PDK1: variants seen among roughly 807,000 people sequenced by gnomAD.
The protein encoded by PDK1 is pyruvate dehydrogenase kinase 1.
Under a neutral mutation model 54.2 loss-of-function variants are expected in PDK1, and 39 were observed. That is an observed-to-expected ratio of 0.72 (90% CI 0.56 to 0.94). PDK1 has a LOEUF of 0.94. PDK1 is among the 40% of genes least tolerant of loss of function. The pLI is 0.00. For missense variants in PDK1, 552 were observed against 566.0 expected (o/e 0.98, Z 0.25); for synonymous variants, 221 against 207.1 (o/e 1.07, Z -0.58).
In PDK1 at chr2:172,605,483, C is replaced by A. The variant is rs932099680; in HGVS notation, c.*9514C>A. 6.9e-6 allele frequency: 1 copy of A among 144,016 alleles called. No individual in the cohort carries two copies. The highest frequency in any genetic ancestry group is 2.6e-5 in the African/African-American group (1 of 38,854). The allele number at this position is 144,016 out of a possible 1,614,324, so 8.9% of individuals were successfully genotyped here. On this transcript the variant is annotated 3_prime_UTR_variant, in exon 11 of 11. Transcript: ENST00000282077. Reference sequence around the variant, plus strand: ...GTCTGCTTCCTGGGTTCAAGTGATTCTCCTGCCTCAGCCTCCAAGTAGCTG... The same window carrying A: ...GTCTGCTTCCTGGGTTCAAGTGATTATCCTGCCTCAGCCTCCAAGTAGCTG...
the PDK1 span, among the ~76,000 whole-genome samples, chr2:172,645,700 A>T: frequency 6.6e-6 from 1 of 152,192 alleles, no homozygotes; most frequent in East Asian, 1.9e-4. Context: ...GGACAGGACA[A>T]GTAATGTGTT....
rs1319555047 is a variant in PDK1 at position 172,585,178 on chromosome 2, T to C, written c.946-1100T>C. ...TGCCCAGCTAATTTTAGAAAATTTT[T>C]TGTAGCGATGGGGTCTTACTCTGTT... On this transcript the variant is annotated intron_variant, in intron 8 of 10. Transcript: ENST00000282077. 4.0e-5 allele frequency among the ~76,000 whole-genome samples: 6 copies of C among 151,620 alleles called. No homozygotes were observed. In the East Asian group the frequency reaches 7.8e-4, roughly 20 times the overall value.
chr2:172,658,853 T>A, the PDK1 span, among the ~76,000 whole-genome samples: 1 of 152,300 alleles, frequency 6.6e-6, no homozygotes, highest in East Asian at 1.9e-4. Flanking sequence ...TCAAACCCTG[T>A]TTTCTGTTGT....
At chr2:172,664,565 T>C in the PDK1 span, among the ~76,000 whole-genome samples, 2 of 152,114 alleles carry the variant, frequency 1.3e-5, no homozygotes, top group South Asian at 4.1e-4. Context: ...GACATAGGTC[T>C]TTTCCCACTC....
At position 172,564,964 on chromosome 2, in the gene PDK1, T is replaced by C; in HGVS notation, c.596-14T>C. On this transcript the variant is annotated splice_polypyrimidine_tract_variant and intron_variant, in intron 4 of 10. Transcript: ENST00000282077. ...GTTTAGCTTATTTTGTTGGTTTTTTTCCTTTTTGGATAGCTTTATTGTTTG... is the reference window on the plus strand; with the variant it reads ...GTTTAGCTTATTTTGTTGGTTTTTTCCCTTTTTGGATAGCTTTATTGTTTG... 6.3e-7 allele frequency: 1 copy of C among 1,587,892 alleles called. No individual in the cohort carries two copies.
At chr2:172,569,647 G>A (rs1175678638) in intron 7 of PDK1, among the ~76,000 whole-genome samples, 4 of 152,182 alleles carry the variant, frequency 2.6e-5, no homozygotes, top group Non-Finnish European at 1.5e-5. Context: ...TAGAACAGCA[G>A]CAGAATGTTC....
chr2:172,717,142 C>A, the PDK1 span, among the ~76,000 whole-genome samples: 2 of 152,168 alleles, frequency 1.3e-5, no homozygotes, highest in East Asian at 3.8e-4. Context: ...ATCTCACATC[C>A]AAGACTACAT....
At chr2:172,595,329 C>T (rs1179099524) in intron 10 of PDK1, among the ~76,000 whole-genome samples, 1 of 152,080 alleles carries the variant, frequency 6.6e-6, no homozygotes, top group African/African-American at 2.4e-5. Flanking sequence ...GTAAGCCTCC[C>T]AAAGCACTGG....
At chr2:172,692,162 T>C in the PDK1 span, among the ~76,000 whole-genome samples, 1 of 152,174 alleles carries the variant, frequency 6.6e-6, no homozygotes, top group Admixed American at 6.5e-5. Flanking sequence ...CAGGGATAAG[T>C]ACACAGATTT....
At chr2:172,670,910 A>G in the PDK1 span, among the ~76,000 whole-genome samples, 4 of 152,140 alleles carry the variant, frequency 2.6e-5, no homozygotes, top group African/African-American at 7.2e-5. Flanking sequence ...CTGTCATCCA[A>G]TTGGATGAAC....
chr2:172,687,778 C>T, the PDK1 span, among the ~76,000 whole-genome samples: 13 of 152,326 alleles, frequency 8.5e-5, no homozygotes, highest in African/African-American at 3.1e-4. Flanking sequence ...ATATTCCTCT[C>T]TGCCTGCATT....
the PDK1 span, among the ~76,000 whole-genome samples, chr2:172,636,588 G>C: frequency 6.6e-6 from 1 of 152,082 alleles, no homozygotes; most frequent in East Asian, 1.9e-4. Context: ...GGGCATGGTG[G>C]TGGGCACCTG....
chr2:172,669,587 A>C, the PDK1 span, among the ~76,000 whole-genome samples: 3 of 152,126 alleles, frequency 2.0e-5, no homozygotes, highest in African/African-American at 7.2e-5. Flanking sequence ...AGTTTTTTTG[A>C]GGAACCTCCA....
the PDK1 span, among the ~76,000 whole-genome samples, chr2:172,697,781 A>C: frequency 6.6e-6 from 1 of 151,170 alleles, no homozygotes; most frequent in African/African-American, 2.4e-5. Flanking sequence ...CCCCATTCTG[A>C]AGATACTGGC....
the PDK1 span, among the ~76,000 whole-genome samples, chr2:172,720,114 CTCT>C: frequency 3.7e-5 from 3 of 81,754 alleles, no homozygotes; most frequent in Admixed American, 4.6e-4. Context: ...CTCTCTCTCT[CTCT>C]TTTTTTTTTT....
chr2:172,646,404 C>G, the PDK1 span, among the ~76,000 whole-genome samples: 1 of 152,170 alleles, frequency 6.6e-6, no homozygotes, highest in Admixed American at 6.5e-5. Flanking sequence ...AATTTGACAG[C>G]CTCATAGAGG....
At chr2:172,685,065 G>A in the PDK1 span, among the ~76,000 whole-genome samples, 27,848 of 152,076 alleles carry the variant, frequency 0.18, 2,999 homozygotes, top group African/African-American at 0.3. Context: ...TAAAGAAGGC[G>A]CTTGCTTCCC....
intron 8 of PDK1, among the ~76,000 whole-genome samples, chr2:172,582,187 T>G (rs1558946397): frequency 6.6e-6 from 1 of 152,238 alleles, no homozygotes; most frequent in East Asian, 1.9e-4. Context: ...GTGCTGGGAT[T>G]ACAGGTATGA....
chr2:172,658,060 G>A, the PDK1 span, among the ~76,000 whole-genome samples: 2 of 152,106 alleles, frequency 1.3e-5, no homozygotes, highest in African/African-American at 4.8e-5. Flanking sequence ...GATACTAATC[G>A]AGTGAGAACT....
Sources: allele counts gnomAD v4.1 joint callset (sites outside exome capture counted in the v4.1 genomes callset), GRCh38; gene constraint gnomAD v4.1.1; transcripts MANE v1.5; gene names NCBI Gene and HGNC (gene_info 2026-07-23, HGNC 2026-07-21).